Variants in PRR14L observed in about 807,000 individuals in gnomAD.
The protein encoded by PRR14L is protein PRR14L.
PRR14L carries 80 observed loss-of-function variants against 155.0 expected under a neutral mutation model. The observed-to-expected ratio is 0.52, with a 90% confidence interval of 0.43 to 0.62. The LOEUF (loss-of-function observed/expected upper bound fraction) is 0.62, where lower values mean the gene tolerates loss of function less well. Among genes scored for constraint, PRR14L ranks in the 20% least tolerant of loss-of-function variants. The pLI is 0.00. For synonymous variants in PRR14L, 883 were observed against 916.0 expected, an observed-to-expected ratio of 0.96 and a Z score of 0.65; for missense variants, 2,469 against 2,548.0, an observed-to-expected ratio of 0.97 and a Z score of 0.67.
At chr22:31,696,674 C>A (rs1020462951) in intron 7 of PRR14L, among the ~76,000 whole-genome samples, 2 of 152,226 alleles carry the variant, frequency 1.3e-5, no homozygotes, top group African/African-American at 4.8e-5. Context: ...TCCTACCCAT[C>A]CTGAATTCTT....
In PRR14L at chr22:31,704,577, C is replaced by T. The variant is rs2074579658; in HGVS notation, c.5828+78G>A. 5 of 1,182,616 alleles carry T rather than the reference C, an allele frequency of 4.2e-6. No homozygotes were observed. The Admixed American group carries it at 7.4e-5, about 17-fold the overall frequency. 73.3% of individuals were successfully genotyped at this position (1,182,616 alleles called of 1,614,324 possible). A position where few individuals can be genotyped will look rare whatever the true frequency, so the allele number is the denominator to read the frequency against. ...TCAAAGTCATGCCACAGACGATCCA[C>T]ACCACCTATGTATGCACTCTCTCTC... On this transcript the variant is annotated intron_variant, in intron 5 of 8. Transcript: ENST00000327423.
chr22:31,743,296 C>T (rs1391244139), intron 1 of PRR14L, among the ~76,000 whole-genome samples: 1 of 151,502 alleles, frequency 6.6e-6, no homozygotes, highest in Non-Finnish European at 1.5e-5. Flanking sequence ...AACCGAAAGT[C>T]TGTCCAAAAA....
Position 31,715,738 on chromosome 22 carries a change from T to C in PRR14L, c.2101A>G (p.Ile701Val), listed in dbSNP as rs2074654688. 3 of 1,552,218 alleles carry C rather than the reference T, an allele frequency of 1.9e-6. No individual in the cohort carries two copies. The highest frequency in any genetic ancestry group is 1.7e-6 in the Non-Finnish European group (2 of 1,147,068). Reference sequence around the variant, plus strand: ...ATGGGAATGGTTTGTATATCAGCAATGACATCTGCTCTACCCTCTAATGGA... The same window carrying C: ...ATGGGAATGGTTTGTATATCAGCAACGACATCTGCTCTACCCTCTAATGGA... Reference protein sequence around the residue: ...HPPLEGRADVIADIQTIPIQT... With the variant: ...HPPLEGRADVVADIQTIPIQT... Residue 701 changes from isoleucine (I) to valine (V), a missense_variant, in exon 4 of 9, where the codon ATT becomes GTT. Around this residue, in one of 2 missense-constraint regions of PRR14L, gnomAD observed 2,363 missense variants for 2,371.6 expected, o/e 1.00. Coordinates refer to ENST00000327423, the MANE Select transcript of PRR14L (RefSeq NM_173566.3).
At position 31,716,247 on chromosome 22, in the gene PRR14L, A is replaced by G. The variant is rs1483641419; in HGVS notation, c.1592T>C (p.Ile531Thr). The G allele has an allele frequency of 1.3e-6, 2 of 1,551,460 alleles. No individual in the cohort carries two copies. Among genetic ancestry groups the G allele is most frequent in the African/African-American group, 2.7e-5 (2 of 73,052 alleles). The change falls in exon 4 of 9, where the codon ATA becomes ACA. Residue 531 changes from isoleucine (I) to threonine (T), a missense_variant. Physicochemically the swap from Ile to Thr is moderately conservative, Grantham distance 89 (BLOSUM62 -1). This residue lies in a region of PRR14L where 2,363 missense variants were observed against 2,371.6 expected (regional missense o/e 1.00). Transcript: ENST00000327423. ...TTTAGTGTAAAAAGATTTACTTAAT[A>G]TATTGGGCTCTACAGGGGTTGTCTG... Reference protein sequence around the residue: ...AGQTTPVEPNILSKSFYTKDC... With the variant: ...AGQTTPVEPNTLSKSFYTKDC...
Position 31,685,450 on chromosome 22 carries a change from CAAAAAA to C in PRR14L, c.*71_*76del. On this transcript the variant is annotated 3_prime_UTR_variant, in exon 9 of 9. Transcript: ENST00000327423. ...TTAGGCAACCTTTTCCAAGGAGGTC[CAAAAAA>C]AAAAAAAAAACCCAAAAACAAAACA... 3 of 1,105,830 alleles carry C rather than the reference CAAAAAA, an allele frequency of 2.7e-6. No homozygotes were observed. Among genetic ancestry groups the C allele is most frequent in the Non-Finnish European group, 3.7e-6 (3 of 816,320 alleles). The allele number at this position is 1,105,830 out of a possible 1,614,324, so 68.5% of individuals were successfully genotyped here. A position where few individuals can be genotyped will look rare whatever the true frequency, so the allele number is the denominator to read the frequency against.
At chr22:31,690,730 C>T (rs2074507044) in intron 7 of PRR14L, among the ~76,000 whole-genome samples, 1 of 150,580 alleles carries the variant, frequency 6.6e-6, no homozygotes, top group Non-Finnish European at 1.5e-5. Flanking sequence ...CAACATCTGC[C>T]TTCTGGGTTC....
chr22:31,710,974 G>A (rs1365719565), intron 4 of PRR14L, among the ~76,000 whole-genome samples: 1 of 151,966 alleles, frequency 6.6e-6, no homozygotes, highest in African/African-American at 2.4e-5. Flanking sequence ...AAAAGGCAGG[G>A]GTTCATAAAC....
At position 31,741,543 on chromosome 22, in the gene PRR14L, T is replaced by C. The variant is rs114951504; in HGVS notation, c.-51-2632A>G. On this transcript the variant is annotated intron_variant, in intron 1 of 8. Transcript: ENST00000327423. ...TGTGTGTACAGGGGAAGAGCGAGAA[T>C]CAAATGAGATTCTGGATGTGAAAAG... is the stretch of plus-strand genomic sequence containing the variant. 1.3e-3 allele frequency among the ~76,000 whole-genome samples: 198 copies of C among 152,118 alleles called. 1 individual carries two copies. The highest frequency in any genetic ancestry group is 4.6e-3 in the African/African-American group (191 of 41,494).
Position 31,713,008 on chromosome 22 carries a change from T to C in PRR14L, c.4831A>G (p.Lys1611Glu). ...LRSLNFRKTTKESALLNKLSI... is the reference protein window; with the variant it reads ...LRSLNFRKTTEESALLNKLSI... ...AGCTTGTTTAGTAAGGCTGATTCTT[T>C]GGTAGTCTTCCTAAAATTCAGGCTC... Residue 1611 changes from lysine to glutamate, a missense_variant, in exon 4 of 9, where the codon AAA (lysine) becomes GAA (glutamate). Lys to Glu is a moderately conservative substitution (Grantham distance 56, BLOSUM62 1). Transcript: ENST00000327423. 3 of 1,552,162 alleles carry C rather than the reference T, an allele frequency of 1.9e-6. No homozygotes were observed. The highest frequency in any genetic ancestry group is 1.7e-6 in the Non-Finnish European group (2 of 1,147,088).
chr22:31,707,403 C>T (rs1052158627), intron 4 of PRR14L, among the ~76,000 whole-genome samples: 14 of 152,002 alleles, frequency 9.2e-5, no homozygotes, highest in Non-Finnish European at 1.3e-4. Context: ...TTTTGGGAGA[C>T]GGAGACTCGC....
In PRR14L at chr22:31,713,092, T is replaced by C; in HGVS notation, c.4747A>G (p.Thr1583Ala). ...PTRLEPETAP[T>A]KSLVSHIPKQ... ...GGTATGTGACTAACCAAGCTCTTGGTAGGTGCTGTTTCAGGTTCTAATCGT... is the reference window on the plus strand; with the variant it reads ...GGTATGTGACTAACCAAGCTCTTGGCAGGTGCTGTTTCAGGTTCTAATCGT... Residue 1583 changes from threonine (T) to alanine (A), a missense_variant, in exon 4 of 9, where the codon ACC (threonine) becomes GCC (alanine). Around this residue, in one of 2 missense-constraint regions of PRR14L, gnomAD observed 2,363 missense variants for 2,371.6 expected, o/e 1.00. Transcript: ENST00000327423. 1 of 1,552,332 alleles carries C rather than the reference T, an allele frequency of 6.4e-7. No individual in the cohort carries two copies. Among genetic ancestry groups the C allele is most frequent in the Middle Eastern group, 1.7e-4 (1 of 5,998 alleles).
intron 7 of PRR14L, among the ~76,000 whole-genome samples, chr22:31,698,590 T>C (rs1309311180): frequency 2.6e-5 from 4 of 151,990 alleles, no homozygotes; most frequent in African/African-American, 9.7e-5. Context: ...GATTTAGTTC[T>C]GATTTTTACA....
At chr22:31,690,639 ATTTT>A (rs373510332) in intron 7 of PRR14L, among the ~76,000 whole-genome samples, 1 of 143,202 alleles carries the variant, frequency 7.0e-6, no homozygotes, top group Non-Finnish European at 1.5e-5. Flanking sequence ...TCCCTGGCTA[ATTTT>A]TTTTTTTTTT....
chr22:31,696,413 A>G (rs1293801074), intron 7 of PRR14L, among the ~76,000 whole-genome samples: 1 of 152,162 alleles, frequency 6.6e-6, no homozygotes, highest in Non-Finnish European at 1.5e-5. Flanking sequence ...TGCTGGGATT[A>G]CAGGCATGAG....
At chr22:31,689,575 T>G (rs1049867671) in intron 7 of PRR14L, among the ~76,000 whole-genome samples, 6 of 151,950 alleles carry the variant, frequency 3.9e-5, no homozygotes, top group Non-Finnish European at 7.4e-5. Flanking sequence ...CAAGACCAGT[T>G]TTTTTTTGAG....
intron 1 of PRR14L, among the ~76,000 whole-genome samples, chr22:31,749,190 C>G (rs1303256420): frequency 6.6e-6 from 1 of 152,054 alleles, no homozygotes; most frequent in Non-Finnish European, 1.5e-5. Context: ...GAGATTCAGA[C>G]AAGTTAAACA....
chr22:31,730,453 A>G (rs761596593), intron 2 of PRR14L, among the ~76,000 whole-genome samples: 5 of 152,178 alleles, frequency 3.3e-5, no homozygotes, highest in Non-Finnish European at 5.9e-5. Context: ...CAAAAAAGAA[A>G]AAAAAAAGAA....
intron 7 of PRR14L, among the ~76,000 whole-genome samples, chr22:31,688,897 TACA>T (rs2074496437): frequency 7.5e-6 from 1 of 133,068 alleles, no homozygotes; most frequent in African/African-American, 3.1e-5. Flanking sequence ...AAAAAATATA[TACA>T]TACACACACA....
chr22:31,731,502 A>G (rs1333863034), intron 2 of PRR14L, among the ~76,000 whole-genome samples: 1 of 132,698 alleles, frequency 7.5e-6, no homozygotes, highest in African/African-American at 2.8e-5. Flanking sequence ...CAGGAGGAGG[A>G]GGTTGCAGCG....
Sources: allele counts gnomAD v4.1 joint callset (sites outside exome capture counted in the v4.1 genomes callset), GRCh38; gene constraint gnomAD v4.1.1; regional missense constraint gnomAD v4.1.1; transcripts MANE v1.5; gene names NCBI Gene and HGNC (gene_info 2026-07-23, HGNC 2026-07-21).